The following IMMP2L variants were observed in gnomAD, a reference collection of about 807,000 sequenced individuals.
IMMP2L encodes mitochondrial inner membrane protease subunit 2.
Under a neutral mutation model 19.3 loss-of-function variants are expected in IMMP2L, and 18 were observed. The observed-to-expected ratio is 0.93, with a 90% confidence interval of 0.64 to 1.38. The LOEUF is 1.38. Ranked by LOEUF, IMMP2L falls within the 40% of genes most tolerant of loss-of-function variation. The probability of loss-of-function intolerance (pLI) is 0.00; values close to 1 mark genes in which losing one functional copy is unlikely to be tolerated. For missense variants in IMMP2L, 233 were observed against 218.2 expected, an observed-to-expected ratio of 1.07 and a Z score of -0.43; for synonymous variants, 76 against 73.0, an observed-to-expected ratio of 1.04 and a Z score of -0.21.
intron 3 of IMMP2L, among the ~76,000 whole-genome samples, chr7:111,475,750 G>T (rs1326345474): frequency 2.6e-5 from 4 of 151,982 alleles, no homozygotes; most frequent in South Asian, 2.1e-4. Context: ...AATAGGAAAG[G>T]ATTTTGATCT....
At chr7:111,206,435 T>C (rs1448611160) in intron 3 of IMMP2L, among the ~76,000 whole-genome samples, 1 of 152,206 alleles carries the variant, frequency 6.6e-6, no homozygotes. Flanking sequence ...ATTTCAAGTC[T>C]ACATTTATAT....
chr7:111,483,716 T>C lies in IMMP2L; in HGVS notation c.239+3522A>G, dbSNP rs1317538080. On this transcript the variant is annotated intron_variant, in intron 3 of 5. Transcript: ENST00000405709. Reference sequence around the variant, plus strand: ...CAATAGAAAGGACAGTCTGCTTTGCTATATATGTGTTTCTGTAACATGAAT... The same window carrying C: ...CAATAGAAAGGACAGTCTGCTTTGCCATATATGTGTTTCTGTAACATGAAT... 3 of 152,222 alleles carry C rather than the reference T, an allele frequency of 2.0e-5. 1 individual carries two copies. The highest frequency in any genetic ancestry group is 4.8e-5 in the African/African-American group (2 of 41,460). 9.4% of individuals were successfully genotyped at this position (152,222 alleles called of 1,614,324 possible).
intron 3 of IMMP2L, among the ~76,000 whole-genome samples, chr7:111,187,550 T>C (rs999452780): frequency 1.3e-5 from 2 of 152,146 alleles, no homozygotes; most frequent in Admixed American, 1.3e-4. Context: ...ATGGAGCCTG[T>C]TGGAAATGAG....
intron 5 of IMMP2L, among the ~76,000 whole-genome samples, chr7:110,876,466 CA>C (rs2129544405): frequency 6.6e-6 from 1 of 152,210 alleles, no homozygotes; most frequent in Non-Finnish European, 1.5e-5. Flanking sequence ...TAATCATTAC[CA>C]GGCAGCACAA....
At position 110,760,446 on chromosome 7, in the gene IMMP2L, T is replaced by C. The variant is rs1798283545; in HGVS notation, c.409-96725A>G. Among the ~76,000 whole-genome samples the C allele has an allele frequency of 6.6e-6, 1 of 152,080 alleles. No homozygotes were observed. Among genetic ancestry groups the C allele is most frequent in the Non-Finnish European group, 1.5e-5 (1 of 68,018 alleles). ...ATTATCAGTTGTTTGTTTAGGTAAA[T>C]TACATTAAAGGTCAGAAATGAAATG... On this transcript the variant is annotated intron_variant, in intron 5 of 5. Transcript: ENST00000405709. This position sits in a 1 kb window ranked among gnomAD's most constrained non-coding sequence, Gnocchi z 4.2.
chr7:110,765,424 C>A (rs1390105061), intron 5 of IMMP2L, among the ~76,000 whole-genome samples: 1 of 152,090 alleles, frequency 6.6e-6, no homozygotes, highest in East Asian at 1.9e-4. Context: ...TCATGACTCT[C>A]AAGATATGCC....
intron 4 of IMMP2L, among the ~76,000 whole-genome samples, chr7:110,919,666 A>G (rs10216218): frequency 0.036 from 5,393 of 151,524 alleles, 325 homozygotes; most frequent in African/African-American, 0.12. Context: ...CTTCAATCAA[A>G]TTCACTTATT....
intron 5 of IMMP2L, among the ~76,000 whole-genome samples, chr7:110,694,985 C>A (rs1479612884): frequency 1.3e-5 from 2 of 151,240 alleles, no homozygotes; most frequent in African/African-American, 4.9e-5. Flanking sequence ...TGTATGATTC[C>A]ATTGATATGA....
chr7:111,187,229 C>T (rs1808370216), intron 3 of IMMP2L, among the ~76,000 whole-genome samples: 1 of 152,124 alleles, frequency 6.6e-6, no homozygotes, highest in African/African-American at 2.4e-5. Flanking sequence ...CCTTCCCTTT[C>T]TGGCCAAGCA....
rs777862357 is a variant in IMMP2L, at chr7:111,556,018, G to GTGTGTGTGTATATATATATATATA, written c.-3+5832_-3+5833insTATATATATATATATACACACACA. Among the ~76,000 whole-genome samples the GTGTGTGTGTATATATATATATATA allele has an allele frequency of 3.2e-4, 29 of 91,372 alleles. 1 individual carries two copies. The highest frequency in any genetic ancestry group is 9.0e-4 in the African/African-American group (25 of 27,642). The allele number at this position is 91,372 out of a possible 152,430, so 59.9% of individuals were successfully genotyped here. On this transcript the variant is annotated intron_variant, in intron 1 of 5. Transcript: ENST00000405709. Reference sequence around the variant, plus strand: ...TTAGCCATCCCTCTTCTGTGTGCATGTATATATATATATATATACATACCC... The same window carrying GTGTGTGTGTATATATATATATATA: ...TTAGCCATCCCTCTTCTGTGTGCATGTGTGTGTGTATATATATATATATATATATATATATATATATACATACCC...
intron 3 of IMMP2L, among the ~76,000 whole-genome samples, chr7:111,044,066 A>G (rs781642512): frequency 5.9e-5 from 9 of 152,338 alleles, no homozygotes; most frequent in Non-Finnish European, 1.0e-4. Flanking sequence ...TCAAGCAACT[A>G]TATTCTCTGA....
chr7:111,255,984 A>G (rs538516110), intron 3 of IMMP2L, among the ~76,000 whole-genome samples: 1 of 152,208 alleles, frequency 6.6e-6, no homozygotes, highest in African/African-American at 2.4e-5. Flanking sequence ...AAACTTTTCA[A>G]AGATATTTAA....
chr7:111,057,397 TATTA>T (rs1793611018), intron 3 of IMMP2L, among the ~76,000 whole-genome samples: 1 of 132,648 alleles, frequency 7.5e-6, no homozygotes, highest in Non-Finnish European at 1.6e-5. Flanking sequence ...TTGTAATTCT[TATTA>T]ATTATAGTCT....
Position 111,424,491 on chromosome 7 carries a change from C to T in IMMP2L, c.239+62747G>A, listed in dbSNP as rs933264027. Among the ~76,000 whole-genome samples the T allele has an allele frequency of 2.0e-5, 3 of 151,736 alleles. No individual in the cohort carries two copies. In the East Asian group the frequency reaches 5.8e-4, roughly 29 times the overall value. ...GCCATGCTAATTTTTAGATATTACT[C>T]GTGACTTTTTTCTCTACTGACAAAA... On this transcript the variant is annotated intron_variant, in intron 3 of 5. Coordinates refer to ENST00000405709, the MANE Select transcript of IMMP2L (RefSeq NM_032549.4).
chr7:111,122,533 A>C, intron 3 of IMMP2L: 1 of 482,696 alleles, frequency 2.1e-6, no homozygotes, highest in Non-Finnish European at 3.7e-6. Context: ...TTCAAAAAGT[A>C]CATCAATATT....
intron 3 of IMMP2L, among the ~76,000 whole-genome samples, chr7:111,444,645 T>C (rs532712313): frequency 6.6e-6 from 1 of 152,286 alleles, no homozygotes; most frequent in Admixed American, 6.5e-5. Flanking sequence ...CTTTATCAAG[T>C]ATTTAACCAT....
At chr7:111,544,642 G>C (rs768858608) in intron 1 of IMMP2L, among the ~76,000 whole-genome samples, 1 of 152,056 alleles carries the variant, frequency 6.6e-6, no homozygotes, top group Non-Finnish European at 1.5e-5. Context: ...CTATTCCATT[G>C]ACTGGGAAAA....
intron 3 of IMMP2L, among the ~76,000 whole-genome samples, chr7:111,278,091 G>C (rs1584414542): frequency 6.6e-6 from 1 of 152,048 alleles, no homozygotes; most frequent in South Asian, 2.1e-4. Context: ...GGATGGGAGA[G>C]GGGTGAGGGC....
chr7:111,432,103 T>C (rs1197362675), intron 3 of IMMP2L, among the ~76,000 whole-genome samples: 2 of 151,656 alleles, frequency 1.3e-5, no homozygotes, highest in African/African-American at 4.9e-5. Flanking sequence ...AGAGGAGGAA[T>C]AGGGAAAGGT....
Sources: allele counts gnomAD v4.1 joint callset (sites outside exome capture counted in the v4.1 genomes callset), GRCh38; gene constraint gnomAD v4.1.1; non-coding constraint Gnocchi (gnomAD v3.1); transcripts MANE v1.5; gene names NCBI Gene and HGNC (gene_info 2026-07-23, HGNC 2026-07-21).